Variants in PTPRO observed in about 807,000 individuals in gnomAD.
The protein encoded by PTPRO is protein tyrosine phosphatase receptor type O, also known as receptor-type tyrosine-protein phosphatase O.
Under a neutral mutation model 145.2 loss-of-function variants are expected in PTPRO, and 62 were observed. The ratio of observed to expected loss-of-function variants is 0.43; its 90% CI spans 0.35 to 0.53. PTPRO has a LOEUF of 0.53. PTPRO is among the 20% of genes least tolerant of loss of function. The pLI, the probability that PTPRO is intolerant of heterozygous loss-of-function variation, is 0.01. For missense variants in PTPRO, 1,345 were observed against 1,482.7 expected (o/e 0.91, Z 1.53); for synonymous variants, 565 against 514.7 (o/e 1.10, Z -1.32).
intron 1 of PTPRO, among the ~76,000 whole-genome samples, chr12:15,385,647 A>G (rs891279667): frequency 6.6e-6 from 1 of 151,970 alleles, no homozygotes; most frequent in Non-Finnish European, 1.5e-5. Context: ...CCCCATCTCT[A>G]CTAAAAATAC....
At chr12:15,413,451 G>A (rs1939858952) in intron 1 of PTPRO, among the ~76,000 whole-genome samples, 1 of 152,066 alleles carries the variant, frequency 6.6e-6, no homozygotes, top group African/African-American at 2.4e-5. Flanking sequence ...ATGATTATAT[G>A]CTTTAAATAA....
rs935476901 is a variant in PTPRO at position 15,472,299 on chromosome 12, G to C, written c.76-11675G>C. The stretch of plus-strand genomic sequence containing the variant: ...TGCCTATTGGCCTTACATCATCCCA[G>C]TCAGCCTGTTATTCTGCATACTCCT... On this transcript the variant is annotated intron_variant, in intron 1 of 26. Transcript: ENST00000281171. Among the ~76,000 whole-genome samples the C allele has an allele frequency of 7.9e-5, 12 of 152,158 alleles. No individual in the cohort carries two copies. The South Asian group carries it at 8.3e-4, about 11-fold the overall frequency.
intron 3 of PTPRO, among the ~76,000 whole-genome samples, chr12:15,497,621 T>C (rs1173065716): frequency 6.6e-6 from 1 of 152,260 alleles, no homozygotes; most frequent in Non-Finnish European, 1.5e-5. Context: ...GTGTTCAGCA[T>C]GAGAAATACT....
chr12:15,352,512 G>T (rs959276654), intron 1 of PTPRO, among the ~76,000 whole-genome samples: 3 of 151,972 alleles, frequency 2.0e-5, no homozygotes, highest in African/African-American at 7.3e-5. Context: ...TTAGCCGGGT[G>T]TGGTGGCAGG....
chr12:15,551,236 A>T (rs1943450070), intron 14 of PTPRO, among the ~76,000 whole-genome samples: 1 of 152,222 alleles, frequency 6.6e-6, no homozygotes, highest in Admixed American at 6.5e-5. Context: ...CCACATTTTT[A>T]GCTTTCAAAT....
chr12:15,503,979 A>T lies in PTPRO; in HGVS notation c.1177A>T (p.Lys393Ter). ...TGTTGCAGAACTGAAGGAACCTGGG[A>T]AATATAAGTTATCTGTGACAACCTT... ...EFVAELKEPGKYKLSVTTFSS... is the reference protein window; with the variant it reads ...EFVAELKEPG Residue 393 changes from lysine to a stop codon, truncating the protein, a stop_gained, in exon 6 of 27, where the codon AAA becomes TAA. Coordinates refer to ENST00000281171, the MANE Select transcript of PTPRO (RefSeq NM_030667.3). LOFTEE classifies it high-confidence loss of function. The T allele has an allele frequency of 6.2e-7, 1 of 1,605,870 alleles. No individual in the cohort carries two copies. Among genetic ancestry groups the T allele is most frequent in the Non-Finnish European group, 8.5e-7 (1 of 1,172,692 alleles).
At chr12:15,540,508 C>A (rs573778081) in intron 12 of PTPRO, among the ~76,000 whole-genome samples, 23 of 152,294 alleles carry the variant, frequency 1.5e-4, no homozygotes, top group Admixed American at 1.0e-3. Context: ...CACGCTGGTC[C>A]TTATGGATAT....
At chr12:15,428,046 C>CCT (rs1376737924) in intron 1 of PTPRO, among the ~76,000 whole-genome samples, 9 of 152,224 alleles carry the variant, frequency 5.9e-5, no homozygotes, top group African/African-American at 2.2e-4. Context: ...CAGGCTTCTT[C>CCT]CCTGACTAGG....
chr12:15,428,160 G>C (rs2136336530), intron 1 of PTPRO, among the ~76,000 whole-genome samples: 2 of 152,260 alleles, frequency 1.3e-5, no homozygotes, highest in South Asian at 4.1e-4. Flanking sequence ...TGCTCATCTG[G>C]GTGGTACTTT....
chr12:15,410,045 AT>A (rs1939754741), intron 1 of PTPRO, among the ~76,000 whole-genome samples: 1 of 152,202 alleles, frequency 6.6e-6, no homozygotes, highest in Non-Finnish European at 1.5e-5. Context: ...TTCCTGCCTG[AT>A]TAAGGTATAA....
chr12:15,478,767 G>T (rs560051111), intron 1 of PTPRO, among the ~76,000 whole-genome samples: 6 of 152,006 alleles, frequency 3.9e-5, no homozygotes, highest in Non-Finnish European at 8.8e-5. Flanking sequence ...CACCTCCCAG[G>T]TTCACCCCAT....
At chr12:15,457,385 G>T (rs1365227253) in intron 1 of PTPRO, among the ~76,000 whole-genome samples, 1 of 152,246 alleles carries the variant, frequency 6.6e-6, no homozygotes, top group South Asian at 2.1e-4. Context: ...TGTTCCTCTG[G>T]AGAACCATGA....
chr12:15,464,406 GTGCAGT>G, intron 1 of PTPRO, among the ~76,000 whole-genome samples: 1 of 132,386 alleles, frequency 7.6e-6, no homozygotes, highest in Non-Finnish European at 1.8e-5. Flanking sequence ...CCAGGCTGGT[GTGCAGT>G]GACACAATCT....
chr12:15,388,683 A>G (rs1939099372), intron 1 of PTPRO, among the ~76,000 whole-genome samples: 1 of 152,178 alleles, frequency 6.6e-6, no homozygotes, highest in African/African-American at 2.4e-5. Flanking sequence ...AAATCTAGTG[A>G]CAATTTCAGT....
At chr12:15,458,526 C>G (rs1383432338) in intron 1 of PTPRO, among the ~76,000 whole-genome samples, 1 of 151,634 alleles carries the variant, frequency 6.6e-6, no homozygotes, top group East Asian at 1.9e-4. Context: ...TTTTATCACT[C>G]TTTTTCATTT....
In PTPRO at chr12:15,328,442, CAGA is replaced by C. The variant is rs568167057; in HGVS notation, c.75+5645_75+5647del. ...GAATATTTTAAAACCACCAAACAAA[CAGA>C]AGATGTTTGAAACAAGGTTGCGGGG... is the stretch of plus-strand genomic sequence containing the variant. On this transcript the variant is annotated intron_variant, in intron 1 of 26. Coordinates refer to ENST00000281171, the MANE Select transcript of PTPRO (RefSeq NM_030667.3). Among the ~76,000 whole-genome samples, 240 of 152,234 alleles carry C rather than the reference CAGA, an allele frequency of 1.6e-3. 2 individuals carry two copies. The highest frequency in any genetic ancestry group is 5.6e-3 in the African/African-American group (232 of 41,556).
At chr12:15,534,167 A>G (rs2136544261) in intron 12 of PTPRO, among the ~76,000 whole-genome samples, 1 of 152,306 alleles carries the variant, frequency 6.6e-6, no homozygotes, top group East Asian at 1.9e-4. Context: ...ATGTGGTGAC[A>G]GGTCCCTTTG....
At chr12:15,390,755 TG>T (rs1939166862) in intron 1 of PTPRO, among the ~76,000 whole-genome samples, 1 of 145,844 alleles carries the variant, frequency 6.9e-6, no homozygotes, top group Admixed American at 6.8e-5. Flanking sequence ...CAGCAGTGGC[TG>T]GGTAAGAGAT....
intron 2 of PTPRO, among the ~76,000 whole-genome samples, chr12:15,486,743 C>T (rs1941896168): frequency 6.6e-6 from 1 of 151,824 alleles, no homozygotes; most frequent in East Asian, 1.9e-4. Context: ...TTGCACTAGC[C>T]TAATTTTAAT....
Sources: allele counts gnomAD v4.1 joint callset (sites outside exome capture counted in the v4.1 genomes callset), GRCh38; gene constraint gnomAD v4.1.1; transcripts MANE v1.5; gene names NCBI Gene and HGNC (gene_info 2026-07-23, HGNC 2026-07-21).